Variants in RNF212 observed in about 807,000 individuals in gnomAD.
RNF212 encodes probable E3 SUMO-protein ligase RNF212.
A neutral mutation model predicts 34.7 loss-of-function variants in RNF212; 33 were observed. That is an observed-to-expected ratio of 0.95 (90% CI 0.72 to 1.27). The LOEUF (loss-of-function observed/expected upper bound fraction) is 1.27, where lower values mean the gene tolerates loss of function less well. Among genes scored for constraint, RNF212 ranks in the 50% most tolerant of loss-of-function variants. The pLI is 0.00. For missense variants in RNF212, 377 were observed against 362.2 expected, an observed-to-expected ratio of 1.04 and a Z score of -0.33; for synonymous variants, 140 against 136.1, an observed-to-expected ratio of 1.03 and a Z score of -0.20.
chr4:1,074,101 T>C (rs1004064177), intron 8 of RNF212, among the ~76,000 whole-genome samples: 3 of 152,180 alleles, frequency 2.0e-5, no homozygotes, highest in Admixed American at 6.5e-5. Context: ...GGCCCTGCTC[T>C]GTGCCCACCC....
Position 1,090,781 on chromosome 4 carries a change from C to T in RNF212, c.303+1G>A. The T allele has an allele frequency of 1.3e-6, 2 of 1,543,580 alleles. No homozygotes were observed. The highest frequency in any genetic ancestry group is 1.8e-6 in the Non-Finnish European group (2 of 1,118,060). ...AGTGGCAATGAATCAATTCCACTTA[C>T]CTTTTCTCTATAGAAGGCTAACAAT... On this transcript the variant is annotated splice_donor_variant, in intron 4 of 9. Coordinates refer to ENST00000433731, the MANE Select transcript of RNF212 (RefSeq NM_001131034.4). LOFTEE classifies it high-confidence loss of function.
At chr4:1,089,721 TC>T (rs1560131125) in intron 4 of RNF212, among the ~76,000 whole-genome samples, 1 of 152,158 alleles carries the variant, frequency 6.6e-6, no homozygotes, top group Non-Finnish European at 1.5e-5. Context: ...GGGGGCAGTT[TC>T]CCCCGTGCTG....
intron 4 of RNF212, chr4:1,057,057 C>T: frequency 5.5e-6 from 5 of 907,786 alleles, no homozygotes; most frequent in Non-Finnish European, 6.6e-6. Flanking sequence ...TCTCTGGTGA[C>T]ACGGTAGTTA....
At position 1,093,862 on chromosome 4, in the gene RNF212, T is replaced by C. The variant is rs912030527; in HGVS notation, c.246+2903A>G. ...CTGGCTGGCTCTGGGACCGCCGGCA[T>C]CCTGGTCTGGGTGCCCGTGTTGTGC... On this transcript the variant is annotated intron_variant, in intron 3 of 9. Transcript: ENST00000433731. 4 of 1,536,092 alleles carry C rather than the reference T, an allele frequency of 2.6e-6. No homozygotes were observed. In the Admixed American group the frequency reaches 7.8e-5, roughly 30 times the overall value.
intron 3 of RNF212, among the ~76,000 whole-genome samples, chr4:1,060,815 C>T (rs1352142923): frequency 3.9e-5 from 6 of 152,236 alleles, no homozygotes; most frequent in Non-Finnish European, 8.8e-5. Flanking sequence ...CCACACACTG[C>T]TCAGTGAGTC....
intron 5 of RNF212, among the ~76,000 whole-genome samples, chr4:1,084,671 G>A (rs1439564666): frequency 2.0e-5 from 3 of 146,348 alleles, no homozygotes; most frequent in Non-Finnish European, 3.0e-5. Flanking sequence ...GTTGAGGCGT[G>A]AGCTGAGATC....
intron 2 of RNF212, among the ~76,000 whole-genome samples, chr4:1,102,774 C>T (rs1427165197): frequency 2.0e-5 from 3 of 151,804 alleles, no homozygotes; most frequent in East Asian, 1.9e-4. Flanking sequence ...ATGGCGTGAA[C>T]CCGGGAGGTG....
intron 1 of RNF212, among the ~76,000 whole-genome samples, chr4:1,110,597 C>T (rs1404049865): frequency 6.6e-6 from 1 of 152,102 alleles, no homozygotes; most frequent in East Asian, 1.9e-4. Flanking sequence ...TATTTTAACA[C>T]GGAAGGAGGT....
At chr4:1,075,128 A>T (rs1483446681) in intron 8 of RNF212, among the ~76,000 whole-genome samples, 1 of 152,234 alleles carries the variant, frequency 6.6e-6, no homozygotes, top group Non-Finnish European at 1.5e-5. Context: ...GGGCCATGGC[A>T]GACTTGGCTG....
chr4:1,100,991 C>A, intron 2 of RNF212: 1 of 179,976 alleles, frequency 5.6e-6, no homozygotes, highest in South Asian at 1.3e-4. Context: ...TCCATATTGT[C>A]AGGCTTGATA....
downstream of RNF212, among the ~76,000 whole-genome samples, chr4:1,070,763 C>T (rs570316989): frequency 6.6e-6 from 1 of 152,320 alleles, no homozygotes; most frequent in African/African-American, 2.4e-5. Context: ...GATGCTAGGG[C>T]ACCACATCGG....
chr4:1,059,474 G>A (rs542263521), intron 3 of RNF212, among the ~76,000 whole-genome samples: 39 of 152,302 alleles, frequency 2.6e-4, no homozygotes, highest in East Asian at 5.8e-4. Flanking sequence ...AGGAGGCCAC[G>A]GTGAGCACAC....
intron 3 of RNF212, among the ~76,000 whole-genome samples, chr4:1,059,268 C>T (rs754642692): frequency 9.2e-5 from 14 of 152,326 alleles, no homozygotes; most frequent in Non-Finnish European, 1.5e-4. Context: ...ATGCTGCCTG[C>T]GGGAGGCATC....
intron 8 of RNF212, 44 bp from the exon 9 acceptor site, chr4:1,073,706 C>A (rs62294718): frequency 1.4e-6 from 2 of 1,390,922 alleles, no homozygotes; most frequent in Admixed American, 3.4e-5. Context: ...TCCAATATTG[C>A]GGCTTACGAG....
At chr4:1,102,122 GA>G (rs1220636725) in intron 2 of RNF212, among the ~76,000 whole-genome samples, 9 of 152,146 alleles carry the variant, frequency 5.9e-5, no homozygotes, top group Admixed American at 2.0e-4. Flanking sequence ...AGGAAAGGTT[GA>G]AAATTAATCC....
chr4:1,094,081 G>A (rs973495197), intron 3 of RNF212: 13 of 1,464,646 alleles, frequency 8.9e-6, no homozygotes, highest in Non-Finnish European at 1.2e-5. Context: ...TGGGGACCTG[G>A]CTGACCACAG....
At chr4:1,092,198 G>A (rs1370257770) in intron 3 of RNF212, among the ~76,000 whole-genome samples, 2 of 152,194 alleles carry the variant, frequency 1.3e-5, no homozygotes, top group Non-Finnish European at 2.9e-5. Flanking sequence ...GCCTCATCCC[G>A]GCTGTGGGGG....
At chr4:1,080,689 T>C (rs1479592931) in intron 7 of RNF212, among the ~76,000 whole-genome samples, 2 of 152,210 alleles carry the variant, frequency 1.3e-5, no homozygotes, top group Admixed American at 1.3e-4. Flanking sequence ...GAGACCCCTC[T>C]CTGCCTGAGC....
chr4:1,071,474 A>C (rs756168237), downstream of RNF212: 1 of 152,216 alleles, frequency 6.6e-6, no homozygotes, highest in Non-Finnish European at 1.5e-5. Context: ...ACAAAATGGA[A>C]GAATATATTT....
Sources: gnomAD v4.1 joint callset for allele counts (sites outside exome capture counted in the v4.1 genomes callset) on GRCh38, gnomAD v4.1.1 for gene constraint, MANE v1.5 for transcripts, NCBI Gene and HGNC (gene_info 2026-07-23, HGNC 2026-07-21) for gene names.